Variants in CATSPERE observed in about 807,000 individuals in gnomAD.
CATSPERE encodes catsper channel auxiliary subunit epsilon.
In CATSPERE, 93 loss-of-function variants were observed where a neutral mutation model predicts 114.1. That is an observed-to-expected ratio of 0.81 (90% confidence interval 0.69 to 0.97). The LOEUF is 0.97. Among genes scored for constraint, CATSPERE ranks in the 50% least tolerant of loss-of-function variants. CATSPERE has a pLI of 0.00. For missense variants in CATSPERE, 1,058 were observed against 1,131.6 expected (o/e 0.93, Z 0.93); for synonymous variants, 341 against 384.1 (o/e 0.89, Z 1.31).
At position 244,560,932 on chromosome 1, in the gene CATSPERE, G is replaced by A. The variant is rs186889417; in HGVS notation, c.1294G>A (p.Val432Ile). 1.9e-6 allele frequency: 3 copies of A among 1,613,966 alleles called. No individual in the cohort carries two copies. The highest frequency in any genetic ancestry group is 3.3e-5 in the Admixed American group (2 of 59,994). The stretch of plus-strand genomic sequence containing the variant: ...ATATAATGAAGATACAAAACAGTGG[G>A]TTTCCCAAGACTTTACATTAGATGC... ...VIYNEDTKQW[V>I]SQDFTLDAPI... Residue 432 changes from valine (V) to isoleucine (I), a missense_variant, in exon 10 of 22, where the codon GTT becomes ATT. Val to Ile is a conservative substitution (Grantham distance 29). Coordinates refer to ENST00000366534, the MANE Select transcript of CATSPERE (RefSeq NM_001130957.2).
chr1:244,490,383 A>G, intron 5 of CATSPERE, 64 bp from the exon 6 acceptor site: 1 of 1,061,006 alleles, frequency 9.4e-7, no homozygotes, highest in African/African-American at 1.6e-5. Context: ...TCTTGAAAGT[A>G]GAATATTCGA....
rs141391217 is a variant in CATSPERE, at chr1:244,591,721, G to A, written c.2179G>A (p.Val727Met). The stretch of plus-strand genomic sequence containing the variant: ...ATGTCATCACCATGATTTTTCATAC[G>A]TGATTGAAAAGTAAGAAATTTTTTA... Reference protein sequence around the residue: ...KGCHHHDFSYVIEKSYLRHQP... With the variant: ...KGCHHHDFSYMIEKSYLRHQP... Residue 727 changes from valine to methionine, a missense_variant, in exon 15 of 22, where the codon GTG becomes ATG. Transcript: ENST00000366534. 127 of 1,513,712 alleles carry A rather than the reference G, an allele frequency of 8.4e-5. No individual in the cohort carries two copies. The highest frequency in any genetic ancestry group is 2.3e-4 in the South Asian group (20 of 85,876). The allele number at this position is 1,513,712 out of a possible 1,614,324, so 93.8% of individuals were successfully genotyped here.
In CATSPERE at chr1:244,463,824, A is replaced by G; in HGVS notation, c.66-84A>G. The G allele has an allele frequency of 2.5e-6, 3 of 1,215,428 alleles. No individual in the cohort carries two copies. The South Asian group carries it at 3.8e-5, about 15-fold the overall frequency. 75.3% of individuals were successfully genotyped at this position (1,215,428 alleles called of 1,614,324 possible). Reference sequence around the variant, plus strand: ...AGAAAGGTGACACTCCTGGCAGCCCAGCTATGCCCTGACCATGTAGAGAAT... The same window carrying G: ...AGAAAGGTGACACTCCTGGCAGCCCGGCTATGCCCTGACCATGTAGAGAAT... On this transcript the variant is annotated intron_variant, in intron 1 of 21. Transcript: ENST00000366534.
At chr1:244,595,478 A>G (rs1200852287) in intron 17 of CATSPERE, among the ~76,000 whole-genome samples, 1 of 152,198 alleles carries the variant, frequency 6.6e-6, no homozygotes, top group Non-Finnish European at 1.5e-5. Flanking sequence ...CAAGTAAAAC[A>G]GACAGTTGGA....
Position 244,572,335 on chromosome 1 carries a change from TA to T in CATSPERE, c.1514del (p.Tyr505LeufsTer6), listed in dbSNP as rs1472287813. 1 of 1,390,554 alleles carries T rather than the reference TA, an allele frequency of 7.2e-7. No homozygotes were observed. The highest frequency in any genetic ancestry group is 1.0e-6 in the Non-Finnish European group (1 of 1,002,312). The allele number at this position is 1,390,554 out of a possible 1,614,324, so 86.1% of individuals were successfully genotyped here. On this transcript the variant is annotated frameshift_variant, in exon 11 of 22. Coordinates refer to ENST00000366534, the MANE Select transcript of CATSPERE (RefSeq NM_001130957.2). LOFTEE classifies it high-confidence loss of function. ...AACTTTTCTCTTTTTTCCAGATTAT[TA>T]TGGAGATATTTTGGTAAAAATGGAA... ...SIIHEVFIDY[Y>X]GDILVKMENN...
At chr1:244,487,714 C>T (rs1328343139) in intron 5 of CATSPERE, among the ~76,000 whole-genome samples, 2 of 152,102 alleles carry the variant, frequency 1.3e-5, no homozygotes, top group Admixed American at 1.3e-4. Context: ...GAGGGGAAGG[C>T]TGGTCAGGAC....
At chr1:244,581,759 C>T (rs762911117) in intron 11 of CATSPERE, 37 bp from the exon 12 acceptor site, 1 of 994,542 alleles carries the variant, frequency 1.0e-6, no homozygotes, top group Admixed American at 2.2e-5. Context: ...CCCCCAATTT[C>T]CCTGCTTTAC....
intron 3 of CATSPERE, 128 bp from the exon 4 acceptor site, chr1:244,477,778 A>G (rs1669600062): frequency 1.3e-5 from 12 of 953,410 alleles, no homozygotes; most frequent in Non-Finnish European, 1.9e-5. Flanking sequence ...GAAGTAAAAT[A>G]TTGCAAATAT....
intron 19 of CATSPERE, among the ~76,000 whole-genome samples, chr1:244,616,165 C>T (rs1342181598): frequency 6.6e-6 from 1 of 151,996 alleles, no homozygotes; most frequent in Non-Finnish European, 1.5e-5. Context: ...ATTAATTCAA[C>T]AAATGTATCT....
intron 8 of CATSPERE, among the ~76,000 whole-genome samples, chr1:244,528,785 CCACACACACACACACACA>C: frequency 7.7e-6 from 1 of 130,584 alleles, no homozygotes; most frequent in South Asian, 2.6e-4. Flanking sequence ...CAATCCCCCA[CCACACACACACACACACA>C]CACACACACA....
intron 7 of CATSPERE, among the ~76,000 whole-genome samples, chr1:244,507,947 C>CT (rs1675067362): frequency 6.6e-6 from 1 of 151,956 alleles, no homozygotes; most frequent in Non-Finnish European, 1.5e-5. Context: ...GTTTTGGCTA[C>CT]TTGGGATCTT....
chr1:244,456,173 C>T (rs1666145950), intron 1 of CATSPERE, among the ~76,000 whole-genome samples: 1 of 145,844 alleles, frequency 6.9e-6, no homozygotes, highest in South Asian at 2.2e-4. Context: ...CAGTGAAATG[C>T]ATAGTTGGTA....
intron 11 of CATSPERE, among the ~76,000 whole-genome samples, chr1:244,578,569 A>C (rs1267213729): frequency 1.3e-5 from 2 of 151,848 alleles, no homozygotes; most frequent in African/African-American, 4.8e-5. Context: ...GTATTCTTAC[A>C]ATAAAGTAAG....
At chr1:244,634,570 T>C (rs139063957) in intron 20 of CATSPERE, among the ~76,000 whole-genome samples, 7 of 152,352 alleles carry the variant, frequency 4.6e-5, no homozygotes, top group African/African-American at 1.7e-4. Context: ...TTAGAAATGA[T>C]AATACAGTTT....
intron 8 of CATSPERE, among the ~76,000 whole-genome samples, chr1:244,534,902 A>G (rs1487445516): frequency 6.6e-6 from 1 of 152,012 alleles, no homozygotes; most frequent in Admixed American, 6.6e-5. Context: ...GTCTTTACCT[A>G]TCCTTCTTGG....
intron 20 of CATSPERE, among the ~76,000 whole-genome samples, chr1:244,623,308 C>T (rs1291192025): frequency 6.6e-6 from 1 of 152,096 alleles, no homozygotes; most frequent in Non-Finnish European, 1.5e-5. Context: ...AAACTGCTGA[C>T]CTCAGGTGAT....
upstream of CATSPERE, chr1:244,452,062 C>G (rs554958832): frequency 5.9e-5 from 21 of 357,044 alleles, no homozygotes; most frequent in South Asian, 2.4e-3. Context: ...CAGGAAGAGG[C>G]CCTGGTGGCG....
intron 2 of CATSPERE, among the ~76,000 whole-genome samples, chr1:244,472,096 C>A (rs1010736543): frequency 6.6e-6 from 1 of 152,126 alleles, no homozygotes; most frequent in Non-Finnish European, 1.5e-5. Flanking sequence ...GTAGCTGGGA[C>A]TGCAGGCATG....
At chr1:244,549,909 TGG>T in intron 8 of CATSPERE, among the ~76,000 whole-genome samples, 1 of 152,196 alleles carries the variant, frequency 6.6e-6, no homozygotes, top group Non-Finnish European at 1.5e-5. Context: ...CCAGTGTGGT[TGG>T]GCATCACGCA....
Sources: allele counts gnomAD v4.1 joint callset (sites outside exome capture counted in the v4.1 genomes callset), GRCh38; gene constraint gnomAD v4.1.1; transcripts MANE v1.5; gene names NCBI Gene and HGNC (gene_info 2026-07-23, HGNC 2026-07-21).